Variants in BCAN observed in about 807,000 individuals in gnomAD.
The protein encoded by BCAN is brevican core protein.
A neutral mutation model predicts 92.4 loss-of-function variants in BCAN; 51 were observed. The observed-to-expected ratio is 0.55, with a 90% confidence interval of 0.44 to 0.70. The LOEUF is 0.70. Ranked by LOEUF, BCAN falls within the 30% of genes least tolerant of loss-of-function variation. The pLI, the probability that BCAN is intolerant of heterozygous loss-of-function variation, is 0.00. For synonymous variants in BCAN, 501 were observed against 505.2 expected (o/e 0.99, Z 0.11); for missense variants, 1,140 against 1,212.1 (o/e 0.94, Z 0.88).
chr1:156,646,495 G>A lies in BCAN; in HGVS notation c.92-306G>A, dbSNP rs548314683. On this transcript the variant is annotated intron_variant, in intron 2 of 13. Coordinates refer to ENST00000329117, the MANE Select transcript of BCAN (RefSeq NM_021948.5). ...GAGGACTCAGGGGGCGAGGTTGGAGGACCCTGGGGTGTGGTCTAGGAATTT... is the reference window on the plus strand; with the variant it reads ...GAGGACTCAGGGGGCGAGGTTGGAGAACCCTGGGGTGTGGTCTAGGAATTT... The A allele has an allele frequency of 2.4e-4, 123 of 503,102 alleles. 1 individual carries two copies. The South Asian group carries it at 4.8e-3, about 20-fold the overall frequency. 31.2% of individuals were successfully genotyped at this position (503,102 alleles called of 1,614,324 possible).
chr1:156,647,257 G>T lies in BCAN; in HGVS notation c.466+82G>T. 7.0e-7 allele frequency: 1 copy of T among 1,438,196 alleles called. No homozygotes were observed. Among genetic ancestry groups the T allele is most frequent in the South Asian group, 1.5e-5 (1 of 67,480 alleles). 89.1% of individuals were successfully genotyped at this position (1,438,196 alleles called of 1,614,324 possible). The stretch of plus-strand genomic sequence containing the variant: ...TGCCTTCGGGGATCCCACAGTGTGA[G>T]AGGGAAGCAAAGGTAGCTGGAAGGC... On this transcript the variant is annotated intron_variant, in intron 3 of 13. Coordinates refer to ENST00000329117, the MANE Select transcript of BCAN (RefSeq NM_021948.5). The surrounding 1 kb of genome is among the most constrained non-coding windows in gnomAD (Gnocchi z 4.8).
chr1:156,651,816 G>C, intron 7 of BCAN, 127 bp downstream of exon 7: 1 of 859,180 alleles, frequency 1.2e-6, no homozygotes, highest in Non-Finnish European at 1.8e-6. Flanking sequence ...AGTAGCTCAG[G>C]GGTGCAGGGC....
At chr1:156,656,016 C>T (rs1005922717) in intron 8 of BCAN, among the ~76,000 whole-genome samples, 3 of 152,198 alleles carry the variant, frequency 2.0e-5, no homozygotes, top group Non-Finnish European at 4.4e-5. Flanking sequence ...CTCCCCAGCC[C>T]CTTTTGGGCT....
chr1:156,653,421 C>T (rs1679241694), intron 8 of BCAN: 1 of 994,062 alleles, frequency 1.0e-6, no homozygotes, highest in Non-Finnish European at 1.2e-6. Context: ...TTGACTGTTT[C>T]ATGGAAAACA....
At position 156,656,404 on chromosome 1, in the gene BCAN, A is replaced by G; in HGVS notation, c.2050+15A>G. ...GTGCGATGTTGGTGAGTGTTGAGGG[A>G]CGGGGGGCAGGTTTGAAGCCTGGAC... is the stretch of plus-strand genomic sequence containing the variant. On this transcript the variant is annotated intron_variant, in intron 9 of 13. Transcript: ENST00000329117. The G allele has an allele frequency of 7.6e-7, 1 of 1,322,168 alleles. No homozygotes were observed. 81.9% of individuals were successfully genotyped at this position (1,322,168 alleles called of 1,614,324 possible).
rs755028604 is a variant in BCAN at position 156,647,510 on chromosome 1, G to A, written c.469G>A (p.Val157Ile). The A allele has an allele frequency of 3.2e-6, 5 of 1,558,440 alleles. No homozygotes were observed. The highest frequency in any genetic ancestry group is 4.3e-6 in the Non-Finnish European group (5 of 1,154,560). Residue 157 changes from valine (V) to isoleucine (I), a missense_variant and splice_region_variant, in exon 4 of 14, where the codon GTC becomes ATC. This residue lies in a region of BCAN where 286 missense variants were observed against 284.1 expected (regional missense o/e 1.01). Transcript: ENST00000329117. The surrounding 1 kb of genome is among the most constrained non-coding windows in gnomAD (Gnocchi z 4.8). ...CAGGGGTCCTCTCTGCCCCACAGGG[G>A]TCGTCTTTCTCTACCGAGAGGGCTC... Reference protein sequence around the residue: ...SDAVEVKVKGVVFLYREGSAR... With the variant: ...SDAVEVKVKGIVFLYREGSAR...
At position 156,646,883 on chromosome 1, in the gene BCAN, C is replaced by T; in HGVS notation, c.174C>T (p.His58=). ...VLGGALTIPC[H]VHYLRPPPSR... is the part of the protein sequence containing the mutation. ...GCGGCGCCCTCACCATCCCTTGCCA[C>T]GTCCACTACCTGCGGCCACCGCCGA... Residue 58 remains histidine (H), a synonymous_variant, in exon 3 of 14, where the codon CAC becomes CAT. Coordinates refer to ENST00000329117, the MANE Select transcript of BCAN (RefSeq NM_021948.5). 1 of 1,610,640 alleles carries T rather than the reference C, an allele frequency of 6.2e-7. No homozygotes were observed. Among genetic ancestry groups the T allele is most frequent in the Non-Finnish European group, 8.5e-7 (1 of 1,178,700 alleles).
Position 156,647,117 on chromosome 1 carries a change from C to T in BCAN, c.408C>T (p.Arg136=). ...GCCCCAACGACTCAGGTATCTATCG[C>T]TGTGAGGTCCAGCACGGCATCGATG... ...ELRPNDSGIY[R]CEVQHGIDDS... The change falls in exon 3 of 14, where the codon CGC becomes CGT. Residue 136 remains arginine (R), a synonymous_variant. Coordinates refer to ENST00000329117, the MANE Select transcript of BCAN (RefSeq NM_021948.5). The surrounding 1 kb of genome is among the most constrained non-coding windows in gnomAD (Gnocchi z 4.8). 6.5e-7 allele frequency: 1 copy of T among 1,543,360 alleles called. No homozygotes were observed. Among genetic ancestry groups the T allele is most frequent in the Non-Finnish European group, 8.8e-7 (1 of 1,132,716 alleles).
chr1:156,654,807 C>T (rs1489468201), intron 8 of BCAN, among the ~76,000 whole-genome samples: 1 of 152,150 alleles, frequency 6.6e-6, no homozygotes, highest in Non-Finnish European at 1.5e-5. Context: ...AATGAAATAC[C>T]TCTTCCTCTG....
intron 6 of BCAN, chr1:156,649,757 A>G: frequency 2.4e-6 from 1 of 410,204 alleles, no homozygotes; most frequent in Non-Finnish European, 4.8e-6. Flanking sequence ...TGGGACTCTC[A>G]GATGCAAAAG....
chr1:156,653,118 C>T (rs781296084), intron 8 of BCAN: 126 of 1,418,186 alleles, frequency 8.9e-5, no homozygotes, highest in Non-Finnish European at 1.1e-4. Flanking sequence ...CCAGCCCCGC[C>T]ACTGACCATC....
intron 11 of BCAN, 113 bp downstream of exon 11, chr1:156,657,870 C>A: frequency 1.1e-6 from 1 of 948,412 alleles, no homozygotes. Context: ...GCCTCCTTCC[C>A]TTTCTCGTGC....
At chr1:156,656,739 A>T in intron 9 of BCAN, 199 bp from the exon 10 acceptor site, 1 of 675,840 alleles carries the variant, frequency 1.5e-6, no homozygotes, top group Non-Finnish European at 2.4e-6. Context: ...CTCTTAGAAA[A>T]GGCACCAGCG....
At chr1:156,643,635 C>CGAGAGAGAGAGAG (rs1678865692) in intron 1 of BCAN, 1 of 103,782 alleles carries the variant, frequency 9.6e-6, no homozygotes. Context: ...CACACACACA[C>CGAGAGAGAGAGAG]AGAGAGAGAG....
At chr1:156,656,618 C>A (rs920824696) in intron 9 of BCAN, 54 of 480,826 alleles carry the variant, frequency 1.1e-4, no homozygotes, top group African/African-American at 8.6e-4. Flanking sequence ...ATACTCCTGG[C>A]ATTTAATCGG....
Position 156,658,199 on chromosome 1 carries a change from T to A in BCAN, c.2365T>A (p.Trp789Arg). Reference sequence around the variant, plus strand: ...TGGAGAGAACTGCGTGGTCATGGTGTGGCATGATCAGGGACAATGGAGTGA... The same window carrying A: ...TGGAGAGAACTGCGTGGTCATGGTGAGGCATGATCAGGGACAATGGAGTGA... Reference protein sequence around the residue: ...LSGENCVVMVWHDQGQWSDVP... With the variant: ...LSGENCVVMVRHDQGQWSDVP... The change falls in exon 12 of 14, where the codon TGG (tryptophan) becomes AGG (arginine). Residue 789 changes from tryptophan to arginine, a missense_variant. Coordinates refer to ENST00000329117, the MANE Select transcript of BCAN (RefSeq NM_021948.5). This position sits in a 1 kb window ranked among gnomAD's most constrained non-coding sequence, Gnocchi z 4.4. 2 of 1,613,966 alleles carry A rather than the reference T, an allele frequency of 1.2e-6. No homozygotes were observed. The highest frequency in any genetic ancestry group is 1.7e-6 in the Non-Finnish European group (2 of 1,179,958).
In BCAN at chr1:156,646,899, C is replaced by T; in HGVS notation, c.190C>T (p.Pro64Ser). 6 of 1,610,822 alleles carry T rather than the reference C, an allele frequency of 3.7e-6. No homozygotes were observed. The highest frequency in any genetic ancestry group is 5.1e-6 in the Non-Finnish European group (6 of 1,178,894). The change falls in exon 3 of 14, where the codon CCA becomes TCA. Residue 64 changes from proline (P) to serine (S), a missense_variant. Pro to Ser is a moderately conservative substitution (Grantham distance 74, BLOSUM62 -1). Coordinates refer to ENST00000329117, the MANE Select transcript of BCAN (RefSeq NM_021948.5). Reference protein sequence around the residue: ...TIPCHVHYLRPPPSRRAVLGS... With the variant: ...TIPCHVHYLRSPPSRRAVLGS... The stretch of plus-strand genomic sequence containing the variant: ...CCCTTGCCACGTCCACTACCTGCGG[C>T]CACCGCCGAGCCGCCGGGCTGTGCT...
intron 8 of BCAN, chr1:156,653,278 G>T: frequency 1.7e-6 from 2 of 1,146,230 alleles, no homozygotes; most frequent in Non-Finnish European, 2.1e-6. Flanking sequence ...ATCCGCCTGT[G>T]TGCCGTCCCC....
chr1:156,655,971 G>A (rs1221802119), intron 8 of BCAN, among the ~76,000 whole-genome samples: 1 of 152,174 alleles, frequency 6.6e-6, no homozygotes, highest in Non-Finnish European at 1.5e-5. Flanking sequence ...TTTCTCCATT[G>A]TGGGGCTGGG....
Sources: gnomAD v4.1 joint callset for allele counts (sites outside exome capture counted in the v4.1 genomes callset) on GRCh38, gnomAD v4.1.1 for gene constraint, gnomAD v4.1.1 regional missense constraint, Gnocchi (gnomAD v3.1) non-coding constraint, MANE v1.5 for transcripts, NCBI Gene and HGNC (gene_info 2026-07-23, HGNC 2026-07-21) for gene names.